Variants in DOCK7 observed in about 807,000 individuals in gnomAD.
DOCK7 encodes the protein dedicator of cytokinesis protein 7.
DOCK7 carries 138 observed loss-of-function variants against 271.0 expected under a neutral mutation model. The observed-to-expected ratio is 0.51, with a 90% CI of 0.44 to 0.59. The LOEUF is 0.59. Ranked by LOEUF, DOCK7 falls within the 20% of genes least tolerant of loss-of-function variation. DOCK7 has a pLI of 0.00. For missense variants in DOCK7, 2,066 were observed against 2,592.4 expected (o/e 0.80, Z 4.41); for synonymous variants, 823 against 876.1 (o/e 0.94, Z 1.07).
intron 29 of DOCK7, chr1:62,530,867 C>T (rs1177435509): frequency 6.5e-6 from 1 of 152,734 alleles, no homozygotes; most frequent in Non-Finnish European, 1.5e-5. Flanking sequence ...AAAAGAAGGT[C>T]AAATAAGACA....
At chr1:62,498,933 C>G (rs980599141) in intron 37 of DOCK7, among the ~76,000 whole-genome samples, 14 of 152,064 alleles carry the variant, frequency 9.2e-5, no homozygotes, top group Non-Finnish European at 1.6e-4. Flanking sequence ...TCCCAAGTAG[C>G]TGGGATTACA....
At chr1:62,650,908 C>G (rs968293898) in intron 4 of DOCK7, among the ~76,000 whole-genome samples, 1 of 152,132 alleles carries the variant, frequency 6.6e-6, no homozygotes, top group Admixed American at 6.6e-5. Flanking sequence ...GGATCTAGAA[C>G]TAGAAATACT....
rs1272908143 is a variant in DOCK7 at position 62,529,388 on chromosome 1, C to T, written c.3670G>A (p.Asp1224Asn). 2 of 1,613,600 alleles carry T rather than the reference C, an allele frequency of 1.2e-6. No homozygotes were observed. Among genetic ancestry groups the T allele is most frequent in the Admixed American group, 1.7e-5 (1 of 59,854 alleles). ...NMVHNLLSSH[D>N]SDPRYSDPQI... ...GGGTCAGAGTACCGCGGGTCTGAGT[C>T]GTGACTGGAGAGTAAATTGTGTACC... Residue 1224 changes from aspartate (D) to asparagine (N), a missense_variant, in exon 30 of 50, where the codon GAC (aspartate) becomes AAC (asparagine). Asp to Asn is a conservative substitution (Grantham distance 23). Around this residue, in one of 2 missense-constraint regions of DOCK7, gnomAD observed 1,414 missense variants for 1,670.4 expected, o/e 0.85. Transcript: ENST00000635253.
At chr1:62,485,039 TG>T in intron 43 of DOCK7, 1 of 578,674 alleles carries the variant, frequency 1.7e-6, no homozygotes, top group Non-Finnish European at 2.2e-6. Context: ...GAGGCTGAGG[TG>T]GGAAGATCAC....
intron 37 of DOCK7, 151 bp from the exon 38 acceptor site, chr1:62,496,648 T>C (rs1646631489): frequency 1.4e-6 from 1 of 731,882 alleles, no homozygotes; most frequent in Middle Eastern, 4.0e-4. Context: ...CAAAATCTTA[T>C]TTTAGAAAGG....
intron 48 of DOCK7, among the ~76,000 whole-genome samples, chr1:62,469,853 A>C (rs770909236): frequency 6.6e-6 from 1 of 151,914 alleles, no homozygotes; most frequent in Non-Finnish European, 1.5e-5. Context: ...AATCAAAACC[A>C]CAATGCAATA....
At chr1:62,604,684 A>G (rs376210525) in intron 14 of DOCK7, 27 of 1,613,188 alleles carry the variant, frequency 1.7e-5, no homozygotes, top group African/African-American at 1.3e-4. Context: ...AATGGTAAAT[A>G]TAACAAACCA....
chr1:62,648,147 G>A lies in DOCK7; in HGVS notation c.691C>T (p.Arg231Cys), dbSNP rs1254316274. The A allele has an allele frequency of 6.2e-7, 1 of 1,613,290 alleles. No homozygotes were observed. Among genetic ancestry groups the A allele is most frequent in the Non-Finnish European group, 8.5e-7 (1 of 1,179,602 alleles). ...TGCAAAGCAAAAAGTTCTTTGTGAC[G>A]GTTTGATTTCCTTTGGTCATCATTC... ...RQNDDQRKSN[R>C]HKELFALHPS... Residue 231 changes from arginine (R) to cysteine (C), a missense_variant, in exon 6 of 50, where the codon CGT becomes TGT. This residue lies in a region of DOCK7 where 1,414 missense variants were observed against 1,670.4 expected (regional missense o/e 0.85). Coordinates refer to ENST00000635253, the MANE Select transcript of DOCK7 (RefSeq NM_001367561.1).
chr1:62,501,498 A>G (rs1412022154), intron 37 of DOCK7, among the ~76,000 whole-genome samples: 1 of 152,166 alleles, frequency 6.6e-6, no homozygotes, highest in Non-Finnish European at 1.5e-5. Context: ...TAAGAAAGAT[A>G]ATTTTTTGAA....
Position 62,619,903 on chromosome 1 carries a change from T to C in DOCK7, c.1516A>G (p.Thr506Ala). ...TCTACTCAAAATTTTTAAATACCTG[T>C]AATAGGTCTTAGTCGCCGTAAGACA... is the stretch of plus-strand genomic sequence containing the variant. ...SSVLRRLRPI[T>A]AQLKIDISPA... is the part of the protein sequence containing the mutation. The change falls in exon 13 of 50, where the codon ACA becomes GCA. Residue 506 changes from threonine (T) to alanine (A), a missense_variant. By Grantham distance (58) the Thr-to-Ala change is moderately conservative. Transcript: ENST00000635253. The C allele has an allele frequency of 6.2e-7, 1 of 1,609,408 alleles. No individual in the cohort carries two copies. The highest frequency in any genetic ancestry group is 2.2e-5 in the East Asian group (1 of 44,790).
At chr1:62,522,695 T>A (rs1332947945) in intron 31 of DOCK7, among the ~76,000 whole-genome samples, 1 of 151,798 alleles carries the variant, frequency 6.6e-6, no homozygotes, top group African/African-American at 2.4e-5. Context: ...ATTACATATA[T>A]AAAAAAACTG....
chr1:62,588,890 G>A (rs757182210), intron 14 of DOCK7, among the ~76,000 whole-genome samples: 1 of 152,030 alleles, frequency 6.6e-6, no homozygotes, highest in Non-Finnish European at 1.5e-5. Flanking sequence ...ACAGGCACGT[G>A]CCATCACACT....
chr1:62,577,724 T>C lies in DOCK7; in HGVS notation c.2011-361A>G, dbSNP rs116138188. Among the ~76,000 whole-genome samples the C allele has an allele frequency of 3.0e-3, 461 of 152,280 alleles. 1 individual carries two copies. The highest frequency in any genetic ancestry group is 4.9e-3 in the Non-Finnish European group (334 of 67,998). On this transcript the variant is annotated intron_variant, in intron 17 of 49. Transcript: ENST00000635253. ...AAATAATTGATTGAGACAGGAATGA[T>C]AGAAACAAAAAGTATGATCATAAAT...
rs148735293 is a variant in DOCK7, at chr1:62,623,336, T to C, written c.1425+1923A>G. The stretch of plus-strand genomic sequence containing the variant: ...GTTAAAAATTTTTAATACAGAACCA[T>C]ATTAAACAGTTTCTGTACTGTAAAC... On this transcript the variant is annotated intron_variant, in intron 12 of 49. Transcript: ENST00000635253. Among the ~76,000 whole-genome samples the C allele has an allele frequency of 1.9e-3, 282 of 152,354 alleles. 1 individual carries two copies. Among genetic ancestry groups the C allele is most frequent in the African/African-American group, 6.6e-3 (273 of 41,586 alleles).
chr1:62,470,053 T>C (rs2149249192), intron 48 of DOCK7, among the ~76,000 whole-genome samples: 1 of 152,142 alleles, frequency 6.6e-6, no homozygotes, highest in South Asian at 2.1e-4. Context: ...GAACTAAAAG[T>C]AGAACTACCA....
intron 1 of DOCK7, among the ~76,000 whole-genome samples, chr1:62,669,666 T>A (rs1264442367): frequency 1.3e-5 from 2 of 152,240 alleles, no homozygotes; most frequent in East Asian, 3.8e-4. Flanking sequence ...CCTATCTCCT[T>A]ACAAGGAATG....
Position 62,476,060 on chromosome 1 carries a change from A to G in DOCK7, c.5724+7T>C. ...TCTATATGTCATTATAGTCGAATCA[A>G]CTATACCTTGTTAGGATCTAATTTA... On this transcript the variant is annotated splice_region_variant and intron_variant, in intron 45 of 49. Transcript: ENST00000635253. 1.2e-6 allele frequency: 2 copies of G among 1,610,934 alleles called. No homozygotes were observed. The highest frequency in any genetic ancestry group is 1.7e-6 in the Non-Finnish European group (2 of 1,178,108).
intron 2 of DOCK7, among the ~76,000 whole-genome samples, chr1:62,662,679 G>A (rs1052678411): frequency 6.6e-6 from 1 of 152,020 alleles, no homozygotes. Flanking sequence ...GAGAATCACT[G>A]GAACCCAGGA....
intron 11 of DOCK7, among the ~76,000 whole-genome samples, chr1:62,630,566 AC>A (rs1174134116): frequency 6.6e-6 from 1 of 151,906 alleles, no homozygotes; most frequent in Non-Finnish European, 1.5e-5. Context: ...ATGCCAATTA[AC>A]CTCATGCACA....
Sources: gnomAD v4.1 joint callset for allele counts (sites outside exome capture counted in the v4.1 genomes callset) on GRCh38, gnomAD v4.1.1 for gene constraint, gnomAD v4.1.1 regional missense constraint, MANE v1.5 for transcripts, NCBI Gene and HGNC (gene_info 2026-07-23, HGNC 2026-07-21) for gene names.